Variants in TIMM17A observed in about 807,000 individuals in gnomAD.
TIMM17A encodes translocase of inner mitochondrial membrane 17A.
Under a neutral mutation model 26.5 loss-of-function variants are expected in TIMM17A, and 15 were observed. The ratio of observed to expected loss-of-function variants is 0.57; its 90% CI spans 0.38 to 0.87. TIMM17A has a LOEUF of 0.87. Among genes scored for constraint, TIMM17A ranks in the 40% least tolerant of loss-of-function variants. The pLI, the probability that TIMM17A is intolerant of heterozygous loss-of-function variation, is 0.00. For synonymous variants in TIMM17A, 80 were observed against 70.8 expected (o/e 1.13, Z -0.66); for missense variants, 201 against 210.0 (o/e 0.96, Z 0.27).
intron 1 of TIMM17A, among the ~76,000 whole-genome samples, chr1:201,956,974 A>G (rs1682424389): frequency 6.6e-6 from 1 of 151,344 alleles, no homozygotes; most frequent in African/African-American, 2.4e-5. Context: ...AAAAAAAAAC[A>G]ACTTAGAAAA....
Position 201,955,559 on chromosome 1 carries a change from T to C in TIMM17A, c.26+7T>C, listed in dbSNP as rs755736460. The C allele has an allele frequency of 6.2e-7, 1 of 1,614,232 alleles. No homozygotes were observed. Among genetic ancestry groups the C allele is most frequent in the Non-Finnish European group, 8.5e-7 (1 of 1,180,038 alleles). On this transcript the variant is annotated splice_region_variant and intron_variant, in intron 1 of 5. Coordinates refer to ENST00000367287, the MANE Select transcript of TIMM17A (RefSeq NM_006335.3). Reference sequence around the variant, plus strand: ...AGTACGCGCGAGAGCCTTGGTGAGCTTCACCGCTGTCTTTGCATTTCTCTT... The same window carrying C: ...AGTACGCGCGAGAGCCTTGGTGAGCCTCACCGCTGTCTTTGCATTTCTCTT...
chr1:201,969,132 C>T (rs1193656046), intron 5 of TIMM17A, among the ~76,000 whole-genome samples: 2 of 152,198 alleles, frequency 1.3e-5, no homozygotes, highest in Non-Finnish European at 2.9e-5. Context: ...GGGAGAAACT[C>T]TTCTAATCTT....
intron 3 of TIMM17A, among the ~76,000 whole-genome samples, chr1:201,958,482 A>AT (rs1189661521): frequency 6.6e-6 from 1 of 152,234 alleles, no homozygotes; most frequent in East Asian, 1.9e-4. Flanking sequence ...TTAGGCAGAT[A>AT]GCTTGAGCTC....
rs923008345 is a variant in TIMM17A, at chr1:201,963,663, A to G, written c.238A>G (p.Met80Val). ...GGLFSMIDCS[M>V]VQVRGKEDPW... ...GCTGTTTTCCATGATTGACTGTAGTATGGTTCAAGTCAGAGGAAAGGAAGA... is the reference window on the plus strand; with the variant it reads ...GCTGTTTTCCATGATTGACTGTAGTGTGGTTCAAGTCAGAGGAAAGGAAGA... Residue 80 changes from methionine (M) to valine (V), a missense_variant, in exon 4 of 6, where the codon ATG (methionine) becomes GTG (valine). Met to Val is a conservative substitution (Grantham distance 21, BLOSUM62 1). Transcript: ENST00000367287. The G allele has an allele frequency of 4.3e-6, 7 of 1,611,380 alleles. No individual in the cohort carries two copies. The African/African-American group carries it at 9.4e-5, about 22-fold the overall frequency.
chr1:201,966,782 C>T (rs1015233795), intron 5 of TIMM17A, among the ~76,000 whole-genome samples: 17 of 150,872 alleles, frequency 1.1e-4, no homozygotes, highest in African/African-American at 4.1e-4. Context: ...GCAGAGATTG[C>T]AGTGAGCTGA....
chr1:201,956,681 G>A (rs1191903808), intron 1 of TIMM17A, among the ~76,000 whole-genome samples: 1 of 152,196 alleles, frequency 6.6e-6, no homozygotes, highest in Non-Finnish European at 1.5e-5. Context: ...GAAAAATAAG[G>A]CCGGGTGTGG....
At chr1:201,966,662 G>A (rs1002040538) in intron 5 of TIMM17A, among the ~76,000 whole-genome samples, 2 of 151,844 alleles carry the variant, frequency 1.3e-5, no homozygotes, top group African/African-American at 2.4e-5. Flanking sequence ...TGGCCAACGT[G>A]GTGAAACCCC....
intron 3 of TIMM17A, among the ~76,000 whole-genome samples, chr1:201,959,999 AAAAT>A (rs59830417): frequency 1.1e-4 from 17 of 150,308 alleles, no homozygotes; most frequent in African/African-American, 2.9e-4. Flanking sequence ...ACTCTGTCTC[AAAAT>A]AAATAAATAA....
intron 1 of TIMM17A, among the ~76,000 whole-genome samples, 200 bp downstream of exon 1, chr1:201,955,752 C>T (rs1682398396): frequency 6.6e-6 from 1 of 152,212 alleles, no homozygotes; most frequent in Non-Finnish European, 1.5e-5. Flanking sequence ...CGTGAGCCTC[C>T]CTCTCCCAAC....
chr1:201,957,793 C>T (rs1036530017), intron 3 of TIMM17A: 25 of 427,594 alleles, frequency 5.8e-5, no homozygotes, highest in Non-Finnish European at 7.8e-5. Context: ...CCTTCAGACA[C>T]TCGGTGATTT....
At chr1:201,957,108 A>G (rs550454141) in intron 1 of TIMM17A, among the ~76,000 whole-genome samples, 173 bp from the exon 2 acceptor site, 5 of 152,158 alleles carry the variant, frequency 3.3e-5, no homozygotes, top group Non-Finnish European at 1.5e-5. Context: ...TGATTTTTTG[A>G]CTGCCCTGTT....
At chr1:201,961,272 G>A (rs1404005871) in intron 3 of TIMM17A, among the ~76,000 whole-genome samples, 1 of 152,012 alleles carries the variant, frequency 6.6e-6, no homozygotes, top group Non-Finnish European at 1.5e-5. Context: ...TCACCATGTT[G>A]CCCAGGCTGG....
Position 201,957,572 on chromosome 1 carries a change from G to C in TIMM17A, c.188G>C (p.Gly63Ala). 6.2e-7 allele frequency: 1 copy of C among 1,611,076 alleles called. No homozygotes were observed. The highest frequency in any genetic ancestry group is 1.1e-5 in the South Asian group (1 of 90,296). ...ATTAAAACCAGGGCTCCACAGTTAG[G>C]AGGTAAGCAGAATTTTCATTTTAAC... is the stretch of plus-strand genomic sequence containing the variant. ...TAIKTRAPQL[G>A]GSFAVWGGLF... The change falls in exon 3 of 6, where the codon GGA becomes GCA. Residue 63 changes from glycine (G) to alanine (A), a missense_variant and splice_region_variant. Physicochemically the swap from Gly to Ala is moderately conservative, Grantham distance 60 (BLOSUM62 0). Coordinates refer to ENST00000367287, the MANE Select transcript of TIMM17A (RefSeq NM_006335.3).
chr1:201,968,161 T>A (rs1392797374), intron 5 of TIMM17A, among the ~76,000 whole-genome samples: 1 of 141,410 alleles, frequency 7.1e-6, no homozygotes, highest in Non-Finnish European at 1.6e-5. Flanking sequence ...CACACCTGGC[T>A]CATTTTTTTT....
At chr1:201,958,413 A>G (rs892934055) in intron 3 of TIMM17A, among the ~76,000 whole-genome samples, 1 of 152,262 alleles carries the variant, frequency 6.6e-6, no homozygotes, top group Non-Finnish European at 1.5e-5. Flanking sequence ...TTACAAAGGT[A>G]TAGTCAGGGT....
In TIMM17A at chr1:201,965,462, G is replaced by A. The variant is rs200222308; in HGVS notation, c.349G>A (p.Ala117Thr). ...NGPVAMVGSA[A>T]MGGILLALIE... Reference sequence around the variant, plus strand: ...ACCAGTGGCCATGGTTGGGTCAGCCGCAATGGGTGGCATTCTCCTAGCTTT... The same window carrying A: ...ACCAGTGGCCATGGTTGGGTCAGCCACAATGGGTGGCATTCTCCTAGCTTT... The change falls in exon 5 of 6, where the codon GCA (alanine) becomes ACA (threonine). Residue 117 changes from alanine to threonine, a missense_variant. Ala to Thr is a moderately conservative substitution (Grantham distance 58). Coordinates refer to ENST00000367287, the MANE Select transcript of TIMM17A (RefSeq NM_006335.3). 304 of 1,613,638 alleles carry A rather than the reference G, an allele frequency of 1.9e-4. No individual in the cohort carries two copies. The highest frequency in any genetic ancestry group is 2.5e-4 in the Non-Finnish European group (292 of 1,179,666).
chr1:201,956,154 A>G (rs1232032160), intron 1 of TIMM17A, among the ~76,000 whole-genome samples: 2 of 152,180 alleles, frequency 1.3e-5, no homozygotes, highest in Admixed American at 1.3e-4. Context: ...TACCTGGGAA[A>G]TAGGAAGAGG....
At chr1:201,968,404 T>G (rs577292139) in intron 5 of TIMM17A, among the ~76,000 whole-genome samples, 4 of 151,842 alleles carry the variant, frequency 2.6e-5, no homozygotes, top group South Asian at 4.2e-4. Flanking sequence ...TTGTTTGTTT[T>G]TTTTTTTTTA....
intron 4 of TIMM17A, among the ~76,000 whole-genome samples, chr1:201,964,453 T>C (rs1252168290): frequency 1.3e-5 from 2 of 152,094 alleles, no homozygotes; most frequent in African/African-American, 4.8e-5. Flanking sequence ...CCAAGGGATT[T>C]GCAAACTATT....
Sources: allele counts gnomAD v4.1 joint callset (sites outside exome capture counted in the v4.1 genomes callset), GRCh38; gene constraint gnomAD v4.1.1; transcripts MANE v1.5; gene names NCBI Gene and HGNC (gene_info 2026-07-23, HGNC 2026-07-21).